The following GALNTL6 variants were observed in gnomAD, a reference collection of about 807,000 sequenced individuals.
GALNTL6 encodes the protein polypeptide N-acetylgalactosaminyltransferase like 6.
In GALNTL6, 46 loss-of-function variants were observed where a neutral mutation model predicts 73.7. The ratio of observed to expected loss-of-function variants is 0.62; its 90% CI spans 0.49 to 0.80. The LOEUF is 0.80. Among genes scored for constraint, GALNTL6 ranks in the 30% least tolerant of loss-of-function variants. The pLI is 0.00. For missense variants in GALNTL6, 604 were observed against 755.0 expected, an observed-to-expected ratio of 0.80 and a Z score of 2.34; for synonymous variants, 259 against 263.7, an observed-to-expected ratio of 0.98 and a Z score of 0.17.
chr4:172,545,574 C>G (rs988437839), intron 5 of GALNTL6: 1 of 152,240 alleles, frequency 6.6e-6, no homozygotes, highest in Non-Finnish European at 1.5e-5. Context: ...TAAAATTCTT[C>G]CCTTATCCTT....
At chr4:172,516,805 T>C (rs939291317) in intron 5 of GALNTL6, among the ~76,000 whole-genome samples, 14 of 152,174 alleles carry the variant, frequency 9.2e-5, no homozygotes, top group African/African-American at 3.1e-4. Flanking sequence ...CAGATGAATA[T>C]GTAAATAAAA....
chr4:172,681,832 A>G (rs1161167787), intron 5 of GALNTL6, among the ~76,000 whole-genome samples: 1 of 152,202 alleles, frequency 6.6e-6, no homozygotes, highest in African/African-American at 2.4e-5. Context: ...CCAGAGCACC[A>G]GACCTTCTGA....
At chr4:173,013,438 C>A (rs544062190) in intron 11 of GALNTL6, among the ~76,000 whole-genome samples, 2 of 152,152 alleles carry the variant, frequency 1.3e-5, no homozygotes, top group South Asian at 4.2e-4. Flanking sequence ...CAGTAATGCT[C>A]TAGAATGAAA....
intron 4 of GALNTL6, among the ~76,000 whole-genome samples, chr4:172,346,605 A>G (rs1157775491): frequency 2.6e-5 from 4 of 152,124 alleles, no homozygotes; most frequent in Admixed American, 2.0e-4. Context: ...TACACTATCC[A>G]TTTCATTTTA....
At chr4:171,982,450 A>C (rs1215881519) in intron 2 of GALNTL6, among the ~76,000 whole-genome samples, 1 of 151,970 alleles carries the variant, frequency 6.6e-6, no homozygotes, top group Non-Finnish European at 1.5e-5. Context: ...GGCGCCCGCC[A>C]CCACGCCCGG....
chr4:172,429,175 ATTATTTTATTTTATTTTATATTATT>A (rs1731341335), intron 5 of GALNTL6, among the ~76,000 whole-genome samples: 1 of 13,304 alleles, frequency 7.5e-5, no homozygotes, highest in South Asian at 3.9e-3. Flanking sequence ...ATTTTGTTTT[ATTATTTTATTTTATTTTATATTATT>A]TTATTTTATT....
chr4:172,919,537 G>A (rs1295945177), intron 8 of GALNTL6, among the ~76,000 whole-genome samples: 3 of 152,314 alleles, frequency 2.0e-5, no homozygotes, highest in Admixed American at 1.3e-4. Flanking sequence ...CAGCCCAAGT[G>A]AGCGGCAAAG....
intron 5 of GALNTL6, among the ~76,000 whole-genome samples, chr4:172,424,766 T>G (rs1020397719): frequency 2.0e-5 from 3 of 152,232 alleles, no homozygotes; most frequent in African/African-American, 7.2e-5. Context: ...TTTTAGCTCT[T>G]ATTCCATTGG....
intron 5 of GALNTL6, among the ~76,000 whole-genome samples, chr4:172,595,742 T>G (rs1038052553): frequency 1.3e-5 from 2 of 152,138 alleles, no homozygotes; most frequent in African/African-American, 4.8e-5. Context: ...ATCTTGGATA[T>G]AAAAGAATTA....
chr4:172,170,930 T>C (rs1734800100), intron 2 of GALNTL6, among the ~76,000 whole-genome samples: 2 of 152,246 alleles, frequency 1.3e-5, no homozygotes, highest in Admixed American at 6.5e-5. Flanking sequence ...TAAATAACTT[T>C]TCTATTCCTT....
At chr4:172,287,833 A>C (rs1447477319) in intron 3 of GALNTL6, among the ~76,000 whole-genome samples, 1 of 152,160 alleles carries the variant, frequency 6.6e-6, no homozygotes, top group African/African-American at 2.4e-5. Context: ...ACTTCCTTAG[A>C]GTGGGAATGA....
At chr4:172,041,743 C>A (rs947497798) in intron 2 of GALNTL6, among the ~76,000 whole-genome samples, 1 of 151,986 alleles carries the variant, frequency 6.6e-6, no homozygotes, top group African/African-American at 2.4e-5. Flanking sequence ...TATAAAGTGT[C>A]ACAGGTGTAA....
intron 2 of GALNTL6, among the ~76,000 whole-genome samples, chr4:172,105,582 A>G (rs1283670843): frequency 1.3e-5 from 2 of 151,954 alleles, no homozygotes; most frequent in East Asian, 1.9e-4. Flanking sequence ...ATAATCAAAG[A>G]AAAAAAAGAG....
chr4:172,767,542 A>C (rs990319503), intron 5 of GALNTL6, among the ~76,000 whole-genome samples: 2 of 152,118 alleles, frequency 1.3e-5, no homozygotes, highest in African/African-American at 4.8e-5. Context: ...TAGTATTTTG[A>C]AATTCTTGCT....
intron 5 of GALNTL6, among the ~76,000 whole-genome samples, chr4:172,688,347 A>G (rs1018066475): frequency 1.3e-5 from 2 of 152,220 alleles, no homozygotes; most frequent in African/African-American, 4.8e-5. Flanking sequence ...AGCAAATTGG[A>G]GGTTGTAAAT....
intron 5 of GALNTL6, among the ~76,000 whole-genome samples, chr4:172,746,152 T>C (rs555962064): frequency 2.6e-5 from 4 of 151,918 alleles, no homozygotes; most frequent in South Asian, 2.1e-4. Context: ...TATAGGCAAT[T>C]ATTATTATTA....
intron 2 of GALNTL6, among the ~76,000 whole-genome samples, chr4:172,013,360 T>TTTA (rs1234086561): frequency 6.6e-6 from 1 of 152,080 alleles, no homozygotes; most frequent in African/African-American, 2.4e-5. Flanking sequence ...TCACTCTACT[T>TTTA]TTATGAGATC....
intron 2 of GALNTL6, among the ~76,000 whole-genome samples, chr4:171,900,658 T>C (rs927193886): frequency 6.6e-6 from 1 of 152,024 alleles, no homozygotes; most frequent in African/African-American, 2.4e-5. Flanking sequence ...AATTTCATAA[T>C]CTGATCAAGG....
intron 5 of GALNTL6, among the ~76,000 whole-genome samples, chr4:172,422,442 G>A (rs1731083478): frequency 6.6e-6 from 1 of 151,992 alleles, no homozygotes; most frequent in South Asian, 2.1e-4. Flanking sequence ...TTACAGGAAT[G>A]TCCAACCGTC....
Sources: allele counts gnomAD v4.1 joint callset (sites outside exome capture counted in the v4.1 genomes callset), GRCh38; gene constraint gnomAD v4.1.1; transcripts MANE v1.5; gene names NCBI Gene and HGNC (gene_info 2026-07-23, HGNC 2026-07-21).